Variants in SLC27A2 observed in about 807,000 individuals in gnomAD.
SLC27A2 encodes long-chain fatty acid transport protein 2.
Under a neutral mutation model 60.0 loss-of-function variants are expected in SLC27A2, and 54 were observed. The ratio of observed to expected loss-of-function variants is 0.90; its 90% CI spans 0.72 to 1.13. SLC27A2 has a LOEUF of 1.13. Ranked by LOEUF, SLC27A2 falls within the 50% of genes most tolerant of loss-of-function variation. The pLI is 0.00. For missense variants in SLC27A2, 739 were observed against 777.6 expected, an observed-to-expected ratio of 0.95 and a Z score of 0.59; for synonymous variants, 297 against 297.6, an observed-to-expected ratio of 1.00 and a Z score of 0.02.
At chr15:50,210,044 G>A (rs1028489656) in intron 4 of SLC27A2, among the ~76,000 whole-genome samples, 5 of 152,198 alleles carry the variant, frequency 3.3e-5, no homozygotes, top group Non-Finnish European at 5.9e-5. Context: ...TGCAGGCTTT[G>A]AATACAGCTG....
intron 4 of SLC27A2, 90 bp downstream of exon 4, chr15:50,205,453 C>A: frequency 7.7e-7 from 1 of 1,300,658 alleles, no homozygotes. Context: ...AACTGATTTG[C>A]ATATATCAGT....
chr15:50,216,716 C>A (rs1272923030), intron 4 of SLC27A2, among the ~76,000 whole-genome samples: 2 of 136,286 alleles, frequency 1.5e-5, no homozygotes, highest in Non-Finnish European at 3.1e-5. Flanking sequence ...CTTAGTCTTG[C>A]TTTGGCTATG....
intron 4 of SLC27A2, among the ~76,000 whole-genome samples, chr15:50,218,528 A>T (rs1247974995): frequency 1.3e-5 from 2 of 152,194 alleles, no homozygotes; most frequent in Non-Finnish European, 2.9e-5. Flanking sequence ...CTACCAAAAA[A>T]AGATAGTGAA....
intron 4 of SLC27A2, among the ~76,000 whole-genome samples, chr15:50,206,432 G>A (rs1342818986): frequency 6.6e-6 from 1 of 152,164 alleles, no homozygotes; most frequent in East Asian, 1.9e-4. Context: ...ATAAGCACCT[G>A]TTGTACTCAC....
chr15:50,221,476 A>G (rs1411206674), intron 4 of SLC27A2, among the ~76,000 whole-genome samples: 1 of 152,052 alleles, frequency 6.6e-6, no homozygotes, highest in Admixed American at 6.6e-5. Flanking sequence ...TTAAATGTTT[A>G]TTTTCTGCTT....
At chr15:50,189,131 T>A (rs1029986652) in intron 1 of SLC27A2, among the ~76,000 whole-genome samples, 2 of 152,190 alleles carry the variant, frequency 1.3e-5, no homozygotes, top group Non-Finnish European at 2.9e-5. Context: ...CTTTCTCTCC[T>A]GAAGCTTAAG....
intron 4 of SLC27A2, among the ~76,000 whole-genome samples, chr15:50,211,674 G>T (rs1265634535): frequency 1.3e-5 from 2 of 152,132 alleles, no homozygotes; most frequent in Non-Finnish European, 2.9e-5. Flanking sequence ...TAGTTATTAA[G>T]CTAATCAGGG....
chr15:50,183,389 T>C (rs2140891689), intron 1 of SLC27A2, among the ~76,000 whole-genome samples: 1 of 152,312 alleles, frequency 6.6e-6, no homozygotes, highest in African/African-American at 2.4e-5. Flanking sequence ...CTCTGTCCCT[T>C]GGTTTGCTCC....
At chr15:50,212,819 A>T (rs1318892083) in intron 4 of SLC27A2, among the ~76,000 whole-genome samples, 1 of 152,206 alleles carries the variant, frequency 6.6e-6, no homozygotes, top group African/African-American at 2.4e-5. Flanking sequence ...TCCTGCAAAC[A>T]CATCATAACA....
chr15:50,227,035 T>C lies in SLC27A2; in HGVS notation c.1314T>C (p.Tyr438=), dbSNP rs934954749. ...KITQLTPFNG[Y]AGAKAQTEKK... ...CACAACTTACACCATTTAATGGCTA[T>C]GCTGGAGCAAAGGCTCAGACAGAGA... The change falls in exon 7 of 10, where the codon TAT becomes TAC. Residue 438 remains tyrosine, a synonymous_variant. Transcript: ENST00000267842. The C allele has an allele frequency of 6.2e-7, 1 of 1,614,230 alleles. No individual in the cohort carries two copies. The highest frequency in any genetic ancestry group is 8.5e-7 in the Non-Finnish European group (1 of 1,180,040).
intron 4 of SLC27A2, among the ~76,000 whole-genome samples, chr15:50,214,411 T>C (rs1280670203): frequency 1.3e-5 from 2 of 152,108 alleles, no homozygotes; most frequent in Non-Finnish European, 2.9e-5. Context: ...TTGGTACCAA[T>C]TCTTTTGACA....
chr15:50,216,610 G>GTGTGTATATATATA (rs1323910367), intron 4 of SLC27A2, among the ~76,000 whole-genome samples: 6 of 66,484 alleles, frequency 9.0e-5, no homozygotes, highest in African/African-American at 3.3e-4. Context: ...GTGTGTGTGT[G>GTGTGTATATATATA]TATATATATA....
chr15:50,226,857 G>T lies in SLC27A2; in HGVS notation c.1259-123G>T. 3 of 702,900 alleles carry T rather than the reference G, an allele frequency of 4.3e-6. No individual in the cohort carries two copies. In the South Asian group the frequency reaches 5.7e-5, roughly 13 times the overall value. 43.5% of individuals were successfully genotyped at this position (702,900 alleles called of 1,614,324 possible). A position where few individuals can be genotyped will look rare whatever the true frequency, so the allele number is the denominator to read the frequency against. On this transcript the variant is annotated intron_variant, in intron 6 of 9. Coordinates refer to ENST00000267842, the MANE Select transcript of SLC27A2 (RefSeq NM_003645.4). ...TATAATTCACAGGTATACATGCATG[G>T]AAAATGATACTTCCTACAGCCAGCT...
At chr15:50,187,805 T>C (rs11630964) in intron 1 of SLC27A2, among the ~76,000 whole-genome samples, 1 of 152,176 alleles carries the variant, frequency 6.6e-6, no homozygotes, top group Non-Finnish European at 1.5e-5. Context: ...TTCAAAAATA[T>C]TGCATCATTA....
At chr15:50,196,077 A>AAT (rs58819609) in intron 1 of SLC27A2, among the ~76,000 whole-genome samples, 13 of 15,436 alleles carry the variant, frequency 8.4e-4, no homozygotes, top group African/African-American at 1.5e-3. Flanking sequence ...AAAAAAAAAA[A>AAT]ATATATATAT....
chr15:50,211,580 C>G (rs2045155746), intron 4 of SLC27A2, among the ~76,000 whole-genome samples: 2 of 152,162 alleles, frequency 1.3e-5, no homozygotes, highest in African/African-American at 4.8e-5. Context: ...TCATCAACAT[C>G]CCCAAAAGAT....
intron 3 of SLC27A2, among the ~76,000 whole-genome samples, chr15:50,204,596 G>T (rs2414039): frequency 0.64 from 97,380 of 151,388 alleles, 31,867 homozygotes; most frequent in East Asian, 0.85. Flanking sequence ...TGCCAGGTGT[G>T]GTGGCACGCG....
At chr15:50,184,944 T>A (rs1015941592) in intron 1 of SLC27A2, among the ~76,000 whole-genome samples, 7 of 152,230 alleles carry the variant, frequency 4.6e-5, no homozygotes, top group African/African-American at 1.7e-4. Context: ...AGAAAAGCGA[T>A]AACTTCACTA....
intron 5 of SLC27A2, among the ~76,000 whole-genome samples, chr15:50,224,370 G>A (rs1478275804): frequency 6.6e-6 from 1 of 152,178 alleles, no homozygotes; most frequent in East Asian, 1.9e-4. Flanking sequence ...AACCCGGGAG[G>A]CGGAGCTTGC....
Sources: allele counts gnomAD v4.1 joint callset (sites outside exome capture counted in the v4.1 genomes callset), GRCh38; gene constraint gnomAD v4.1.1; transcripts MANE v1.5; gene names NCBI Gene and HGNC (gene_info 2026-07-23, HGNC 2026-07-21).